Variants in LRMDA observed in about 807,000 individuals in gnomAD.
LRMDA encodes the protein leucine rich melanocyte differentiation associated, also known as leucine-rich melanocyte differentiation-associated protein.
LRMDA carries 18 observed loss-of-function variants against 29.8 expected under a neutral mutation model. The observed-to-expected ratio is 0.60, with a 90% CI of 0.42 to 0.90. The LOEUF (loss-of-function observed/expected upper bound fraction) is 0.90. Ranked by LOEUF, LRMDA falls within the 40% of genes least tolerant of loss-of-function variation. The probability of loss-of-function intolerance (pLI) is 0.00; values close to 1 mark genes in which losing one functional copy is unlikely to be tolerated. For missense variants in LRMDA, 273 were observed against 273.9 expected (o/e 1.00, Z 0.02); for synonymous variants, 125 against 109.4 (o/e 1.14, Z -0.89).
chr10:75,440,231 T>C (rs892781252), intron 2 of LRMDA, among the ~76,000 whole-genome samples: 1 of 146,120 alleles, frequency 6.8e-6, no homozygotes, highest in Non-Finnish European at 1.5e-5. Context: ...ACATACTAGA[T>C]GCAGGAAAAT....
At chr10:76,028,546 T>C (rs1033898219) in intron 2 of LRMDA, among the ~76,000 whole-genome samples, 3 of 152,170 alleles carry the variant, frequency 2.0e-5, no homozygotes, top group African/African-American at 7.2e-5. Flanking sequence ...TCCTACTGTA[T>C]CTTTCTTAAT....
intron 2 of LRMDA, among the ~76,000 whole-genome samples, chr10:75,717,145 A>G (rs1198200082): frequency 1.3e-5 from 2 of 152,202 alleles, no homozygotes; most frequent in Non-Finnish European, 2.9e-5. Flanking sequence ...AATTAGGCTC[A>G]GAGGAGGAAA....
intron 6 of LRMDA, among the ~76,000 whole-genome samples, chr10:76,401,308 G>A (rs76413039): frequency 2.1e-3 from 318 of 152,246 alleles, no homozygotes; most frequent in Non-Finnish European, 3.6e-3. Context: ...GGAACTATTC[G>A]TTTATTTACT....
At chr10:75,689,403 A>G (rs1017050039) in intron 2 of LRMDA, among the ~76,000 whole-genome samples, 1 of 152,170 alleles carries the variant, frequency 6.6e-6, no homozygotes, top group African/African-American at 2.4e-5. Context: ...GGCTGACCTG[A>G]TTATTCTCTA....
At chr10:76,000,236 T>G (rs1489418381) in intron 2 of LRMDA, among the ~76,000 whole-genome samples, 1 of 152,130 alleles carries the variant, frequency 6.6e-6, no homozygotes, top group African/African-American at 2.4e-5. Flanking sequence ...ACATTATATG[T>G]GTGGCAAGTC....
At chr10:76,414,910 C>T (rs537576397) in intron 6 of LRMDA, among the ~76,000 whole-genome samples, 99 of 152,352 alleles carry the variant, frequency 6.5e-4, no homozygotes, top group African/African-American at 2.4e-3. Context: ...GATAGTCAGG[C>T]AGAGGCATCT....
At chr10:75,616,906 C>T (rs1841110440) in intron 2 of LRMDA, among the ~76,000 whole-genome samples, 2 of 152,206 alleles carry the variant, frequency 1.3e-5, no homozygotes, top group South Asian at 4.1e-4. Flanking sequence ...CTGTTTTCCT[C>T]TTTGCAGTTT....
intron 5 of LRMDA, among the ~76,000 whole-genome samples, chr10:76,257,311 C>T (rs1175411356): frequency 4.0e-5 from 6 of 150,398 alleles, no homozygotes; most frequent in Admixed American, 6.7e-5. Flanking sequence ...AATATGCTAG[C>T]TATGGCACTG....
chr10:75,485,594 A>T (rs780097090), intron 2 of LRMDA, among the ~76,000 whole-genome samples: 1 of 149,068 alleles, frequency 6.7e-6, no homozygotes, highest in African/African-American at 2.5e-5. Flanking sequence ...ATATATATAC[A>T]TATTTTGAGA....
intron 6 of LRMDA, among the ~76,000 whole-genome samples, chr10:76,534,920 C>T (rs1366418848): frequency 6.6e-6 from 1 of 152,146 alleles, no homozygotes; most frequent in African/African-American, 2.4e-5. Flanking sequence ...CATTATACTA[C>T]CTCCATGATA....
intron 4 of LRMDA, among the ~76,000 whole-genome samples, chr10:76,055,061 C>G (rs1189994238): frequency 6.2e-4 from 16 of 25,644 alleles, no homozygotes; most frequent in Non-Finnish European, 1.3e-4. Flanking sequence ...AAGACTCCAT[C>G]TCAAAAAAAA....
chr10:75,737,534 G>T (rs1842780611), intron 2 of LRMDA, among the ~76,000 whole-genome samples: 1 of 152,164 alleles, frequency 6.6e-6, no homozygotes, highest in Non-Finnish European at 1.5e-5. Context: ...TGTTGTTGGG[G>T]TATCAATGCT....
chr10:76,039,494 A>G (rs1589299090), intron 3 of LRMDA, among the ~76,000 whole-genome samples: 1 of 152,234 alleles, frequency 6.6e-6, no homozygotes, highest in Non-Finnish European at 1.5e-5. Flanking sequence ...CCCACCTACC[A>G]TGTAAAATCT....
intron 6 of LRMDA, among the ~76,000 whole-genome samples, chr10:76,411,233 C>T (rs1306066975): frequency 6.6e-6 from 1 of 152,154 alleles, no homozygotes; most frequent in African/African-American, 2.4e-5. Flanking sequence ...TCATGCCCAC[C>T]TACCAAGTCA....
chr10:76,335,691 A>G (rs1840959259), intron 6 of LRMDA, among the ~76,000 whole-genome samples: 1 of 152,146 alleles, frequency 6.6e-6, no homozygotes, highest in Non-Finnish European at 1.5e-5. Context: ...TTATAGGTAG[A>G]TTTAAAATTT....
At chr10:75,486,683 G>C (rs1329591489) in intron 2 of LRMDA, among the ~76,000 whole-genome samples, 1 of 152,152 alleles carries the variant, frequency 6.6e-6, no homozygotes, top group Non-Finnish European at 1.5e-5. Flanking sequence ...CCTAGGGTGA[G>C]TCTGGCATGC....
At chr10:75,596,274 C>T (rs1025779607) in intron 2 of LRMDA, among the ~76,000 whole-genome samples, 6 of 152,190 alleles carry the variant, frequency 3.9e-5, no homozygotes, top group South Asian at 2.1e-4. Flanking sequence ...GGATTTAAAA[C>T]GAAAATGTCC....
chr10:75,516,757 AG>A (rs1477178503), intron 2 of LRMDA, among the ~76,000 whole-genome samples: 2 of 152,076 alleles, frequency 1.3e-5, no homozygotes, highest in African/African-American at 4.8e-5. Flanking sequence ...TTGGTGTTTT[AG>A]TCACGAAGTC....
intron 2 of LRMDA, among the ~76,000 whole-genome samples, chr10:75,459,449 A>C (rs1256578589): frequency 6.6e-6 from 1 of 152,170 alleles, no homozygotes; most frequent in South Asian, 2.1e-4. Context: ...ACAGTGCTCA[A>C]CTTCTCCTGG....
Sources: allele counts gnomAD v4.1 joint callset (sites outside exome capture counted in the v4.1 genomes callset), GRCh38; gene constraint gnomAD v4.1.1; transcripts MANE v1.5; gene names NCBI Gene and HGNC (gene_info 2026-07-23, HGNC 2026-07-21).